MACROD1: variants seen among roughly 807,000 people sequenced by gnomAD.
MACROD1 encodes the protein ADP-ribose glycohydrolase MACROD1.
Under a neutral mutation model 41.4 loss-of-function variants are expected in MACROD1, and 31 were observed. That is an observed-to-expected ratio of 0.75 (90% CI 0.56 to 1.01). The LOEUF (loss-of-function observed/expected upper bound fraction) is 1.01. Among genes scored for constraint, MACROD1 ranks in the 50% least tolerant of loss-of-function variants. The pLI, the probability that MACROD1 is intolerant of heterozygous loss-of-function variation, is 0.00. For missense variants in MACROD1, 473 were observed against 460.0 expected (o/e 1.03, Z -0.26); for synonymous variants, 252 against 203.4 (o/e 1.24, Z -2.03).
intron 3 of MACROD1, among the ~76,000 whole-genome samples, chr11:64,065,473 T>C (rs574791690): frequency 1.3e-5 from 2 of 152,102 alleles, no homozygotes; most frequent in Non-Finnish European, 2.9e-5. Context: ...TGTGTGCTTG[T>C]CCTGAGCTAC....
intron 4 of MACROD1, among the ~76,000 whole-genome samples, chr11:64,007,447 G>A (rs1389877997): frequency 2.0e-5 from 3 of 152,204 alleles, no homozygotes; most frequent in Non-Finnish European, 4.4e-5. Context: ...GAGATGGGGA[G>A]GAGAGTCCGG....
chr11:64,130,931 A>G (rs1418627684), intron 3 of MACROD1, among the ~76,000 whole-genome samples: 1 of 152,230 alleles, frequency 6.6e-6, no homozygotes, highest in Non-Finnish European at 1.5e-5. Context: ...ACGAGATGAA[A>G]TTATGCCTCA....
At chr11:64,131,803 C>T (rs183362834) in intron 3 of MACROD1, among the ~76,000 whole-genome samples, 395 of 152,300 alleles carry the variant, frequency 2.6e-3, no homozygotes, top group African/African-American at 8.7e-3. Flanking sequence ...GTGGAGCTCA[C>T]GTGCTGCCTG....
chr11:64,063,883 G>C (rs1207616706), intron 3 of MACROD1, among the ~76,000 whole-genome samples: 1 of 152,242 alleles, frequency 6.6e-6, no homozygotes, highest in African/African-American at 2.4e-5. Context: ...CCCAGAGAGG[G>C]TGGTGGAGGG....
intron 3 of MACROD1, among the ~76,000 whole-genome samples, chr11:64,033,951 G>A (rs949810577): frequency 3.3e-5 from 5 of 152,184 alleles, no homozygotes; most frequent in African/African-American, 1.2e-4. Flanking sequence ...ACAGGTGTGA[G>A]CCACCATGGC....
At chr11:64,147,755 A>G (rs1435088120) in intron 3 of MACROD1, among the ~76,000 whole-genome samples, 1 of 144,016 alleles carries the variant, frequency 6.9e-6, no homozygotes, top group Non-Finnish European at 1.5e-5. Flanking sequence ...ATATATATAT[A>G]TATTTTAGAT....
intron 3 of MACROD1, among the ~76,000 whole-genome samples, chr11:64,105,191 C>T (rs991164074): frequency 2.6e-5 from 4 of 152,206 alleles, no homozygotes; most frequent in African/African-American, 9.7e-5. Context: ...ACAGCGGGGC[C>T]GCGAGCGTGC....
At chr11:64,094,886 G>A (rs1309836018) in intron 3 of MACROD1, among the ~76,000 whole-genome samples, 13 of 152,242 alleles carry the variant, frequency 8.5e-5, no homozygotes, top group South Asian at 2.1e-4. Context: ...GGATTTCGCC[G>A]AATGTCCCAT....
At chr11:64,076,802 G>A (rs141349103) in intron 3 of MACROD1, among the ~76,000 whole-genome samples, 57 of 152,276 alleles carry the variant, frequency 3.7e-4, no homozygotes, top group African/African-American at 1.2e-3. Context: ...CTGGGCTCCC[G>A]TCCCTCCTAC....
At chr11:64,156,468 G>C (rs1945670338) in intron 1 of MACROD1, among the ~76,000 whole-genome samples, 1 of 152,176 alleles carries the variant, frequency 6.6e-6, no homozygotes, top group East Asian at 1.9e-4. Context: ...AGGCCTTGCT[G>C]AAGTGTCTCT....
intron 3 of MACROD1, among the ~76,000 whole-genome samples, chr11:64,068,085 C>T (rs1175976152): frequency 1.3e-5 from 2 of 152,254 alleles, no homozygotes; most frequent in Admixed American, 6.5e-5. Flanking sequence ...AAACCGGAGC[C>T]GGGCGAAGTT....
chr11:64,062,268 C>T (rs780358228), intron 3 of MACROD1, among the ~76,000 whole-genome samples: 5 of 152,104 alleles, frequency 3.3e-5, no homozygotes, highest in Admixed American at 1.3e-4. Flanking sequence ...ACTTGGCACA[C>T]AGTAGGTGCT....
At chr11:64,102,294 G>A (rs1237183631) in intron 3 of MACROD1, among the ~76,000 whole-genome samples, 1 of 152,160 alleles carries the variant, frequency 6.6e-6, no homozygotes, top group Non-Finnish European at 1.5e-5. Context: ...TTTTGTTTTG[G>A]ATTCCAGAAC....
At chr11:64,070,455 G>A (rs557319841) in intron 3 of MACROD1, among the ~76,000 whole-genome samples, 37 of 152,272 alleles carry the variant, frequency 2.4e-4, no homozygotes, top group African/African-American at 7.7e-4. Flanking sequence ...GGGATAAAAC[G>A]CCAAACAAAT....
chr11:64,032,776 C>G (rs1387301719), intron 3 of MACROD1, among the ~76,000 whole-genome samples: 2 of 152,130 alleles, frequency 1.3e-5, no homozygotes, highest in Non-Finnish European at 2.9e-5. Context: ...GTTGACTGAA[C>G]AGTGATCTTT....
At chr11:64,006,290 C>A (rs578213779) in intron 4 of MACROD1, among the ~76,000 whole-genome samples, 1 of 152,216 alleles carries the variant, frequency 6.6e-6, no homozygotes, top group East Asian at 1.9e-4. Flanking sequence ...ATCCCATTGC[C>A]GGAACCATCT....
chr11:64,130,829 GCTAA>G (rs1282652833), intron 3 of MACROD1, among the ~76,000 whole-genome samples: 9 of 152,218 alleles, frequency 5.9e-5, no homozygotes, highest in African/African-American at 1.7e-4. Flanking sequence ...TCTCTGGAGT[GCTAA>G]CTGACAGCAC....
intron 3 of MACROD1, among the ~76,000 whole-genome samples, chr11:64,108,206 G>A (rs1407884098): frequency 6.6e-6 from 1 of 151,966 alleles, no homozygotes; most frequent in Admixed American, 6.6e-5. Flanking sequence ...ACAGCTACGC[G>A]GGAGGCTGAG....
At chr11:64,001,531 C>A in intron 4 of MACROD1, 1 of 702,416 alleles carries the variant, frequency 1.4e-6, no homozygotes. Context: ...GTAGCTCACA[C>A]CCCTTTCTTT....
Sources: gnomAD v4.1 joint callset for allele counts (sites outside exome capture counted in the v4.1 genomes callset) on GRCh38, gnomAD v4.1.1 for gene constraint, MANE v1.5 for transcripts, NCBI Gene and HGNC (gene_info 2026-07-23, HGNC 2026-07-21) for gene names.